Variants in ERC1 observed in about 807,000 individuals in gnomAD.
The protein encoded by ERC1 is RAB6 interacting protein 2.
ERC1 carries 56 observed loss-of-function variants against 132.0 expected under a neutral mutation model. The ratio of observed to expected loss-of-function variants is 0.42; its 90% CI spans 0.34 to 0.53. ERC1 has a LOEUF of 0.53. Among genes scored for constraint, ERC1 ranks in the 20% least tolerant of loss-of-function variants. The pLI is 0.03. For missense variants in ERC1, 1,202 were observed against 1,349.9 expected (o/e 0.89, Z 1.72); for synonymous variants, 478 against 476.1 (o/e 1.00, Z -0.05).
intron 14 of ERC1, among the ~76,000 whole-genome samples, chr12:1,279,425 T>G (rs2078507861): frequency 6.6e-6 from 1 of 152,128 alleles, no homozygotes; most frequent in African/African-American, 2.4e-5. Context: ...TCCAGAAAAT[T>G]TTTTTGACAA....
intron 1 of ERC1, among the ~76,000 whole-genome samples, chr12:992,538 CT>C (rs911791776): frequency 2.6e-5 from 4 of 151,244 alleles, no homozygotes; most frequent in South Asian, 2.1e-4. Flanking sequence ...AAATGGAACT[CT>C]TTTTTTTTGG....
intron 7 of ERC1, among the ~76,000 whole-genome samples, chr12:1,134,269 G>A (rs1949043479): frequency 1.3e-5 from 2 of 151,814 alleles, no homozygotes; most frequent in South Asian, 4.2e-4. Flanking sequence ...ATTTTAGGGG[G>A]AAAATACAGG....
chr12:1,150,089 G>A (rs1226302131), intron 8 of ERC1, among the ~76,000 whole-genome samples: 1 of 152,190 alleles, frequency 6.6e-6, no homozygotes, highest in Non-Finnish European at 1.5e-5. Flanking sequence ...AAGCATTCTG[G>A]CATGGGATAA....
chr12:1,467,644 C>T lies in ERC1; in HGVS notation c.3214-22449C>T, dbSNP rs147049049. ...AGGGATGGTTTCAGGATAATTGAAG[C>T]ACATTACATTTATTGTGCACTTTAT... is the stretch of plus-strand genomic sequence containing the variant. On this transcript the variant is annotated intron_variant, in intron 18 of 18. Transcript: ENST00000360905. Among the ~76,000 whole-genome samples the T allele has an allele frequency of 8.0e-3, 1,215 of 152,242 alleles. 23 individuals are homozygous for T. The highest frequency in any genetic ancestry group is 0.028 in the African/African-American group (1,162 of 41,526).
At chr12:1,212,162 C>T (rs1315608179) in intron 12 of ERC1, among the ~76,000 whole-genome samples, 1 of 152,084 alleles carries the variant, frequency 6.6e-6, no homozygotes, top group Non-Finnish European at 1.5e-5. Flanking sequence ...CTACGCATTC[C>T]TTGCTTAGCA....
At chr12:1,214,340 A>G (rs942328821) in intron 12 of ERC1, among the ~76,000 whole-genome samples, 2 of 152,188 alleles carry the variant, frequency 1.3e-5, no homozygotes, top group Non-Finnish European at 2.9e-5. Flanking sequence ...TTTCATTTTT[A>G]GTGTGGAGTT....
intron 16 of ERC1, among the ~76,000 whole-genome samples, chr12:1,404,250 T>C (rs1189778861): frequency 6.6e-6 from 1 of 152,204 alleles, no homozygotes; most frequent in Non-Finnish European, 1.5e-5. Context: ...GCAAACGGGC[T>C]CCCTCGGGCC....
chr12:1,010,154 G>A (rs887939357), intron 1 of ERC1, among the ~76,000 whole-genome samples: 2 of 152,166 alleles, frequency 1.3e-5, no homozygotes, highest in African/African-American at 4.8e-5. Context: ...TGGTAACCGA[G>A]GGGAGGAAAA....
At chr12:1,418,589 C>CTCTTTCTTTCTT (rs71055147) in intron 17 of ERC1, among the ~76,000 whole-genome samples, 1 of 106,966 alleles carries the variant, frequency 9.3e-6, no homozygotes, top group Non-Finnish European at 1.9e-5. Flanking sequence ...TTCTTTCTTT[C>CTCTTTCTTTCTT]TCTTTCTTTC....
Position 1,484,912 on chromosome 12 carries a change from G to T in ERC1, c.3214-5181G>T, listed in dbSNP as rs557618165. Among the ~76,000 whole-genome samples, 18 of 148,338 alleles carry T rather than the reference G, an allele frequency of 1.2e-4. No homozygotes were observed. In the South Asian group the frequency reaches 1.7e-3, roughly 14 times the overall value. On this transcript the variant is annotated intron_variant, in intron 18 of 18. Coordinates refer to ENST00000360905, the MANE Select transcript of ERC1 (RefSeq NM_178040.4). Reference sequence around the variant, plus strand: ...TTTTCTTTTTTTGAGACAGGGTCTCGCTGTGTTGCGCAGGCTAGAGTGCAG... The same window carrying T: ...TTTTCTTTTTTTGAGACAGGGTCTCTCTGTGTTGCGCAGGCTAGAGTGCAG...
Position 1,490,096 on chromosome 12 carries a change from C to T in ERC1, c.3217C>T (p.Gln1073Ter). ...CCATCTCTCCTTTCCCTTTCAGCTT[C>T]AGGATGAGTTAGAGAAAGGTGAACG... ...ELQKMTRGQL[Q>*]DELEKGERDN... Residue 1073 changes from glutamine (Q) to a stop codon, truncating the protein, a stop_gained, in exon 19 of 19, where the codon CAG (glutamine) becomes TAG (stop). Coordinates refer to ENST00000360905, the MANE Select transcript of ERC1 (RefSeq NM_178040.4). LOFTEE classifies it high-confidence loss of function. 1 of 1,613,502 alleles carries T rather than the reference C, an allele frequency of 6.2e-7. No homozygotes were observed. The highest frequency in any genetic ancestry group is 8.5e-7 in the Non-Finnish European group (1 of 1,179,440).
At chr12:1,014,708 T>C (rs1416468417) in intron 1 of ERC1, among the ~76,000 whole-genome samples, 2 of 152,180 alleles carry the variant, frequency 1.3e-5, no homozygotes, top group Non-Finnish European at 2.9e-5. Flanking sequence ...CAATATGTTT[T>C]TGCATGTCAG....
intron 2 of ERC1, among the ~76,000 whole-genome samples, chr12:1,064,237 A>G (rs1181011376): frequency 7.2e-6 from 1 of 139,110 alleles, no homozygotes; most frequent in Non-Finnish European, 1.5e-5. Flanking sequence ...TTTTTTTTTG[A>G]GAGACATTAT....
chr12:1,364,307 C>T (rs961907777), intron 15 of ERC1, among the ~76,000 whole-genome samples: 47 of 152,306 alleles, frequency 3.1e-4, no homozygotes, highest in African/African-American at 9.1e-4. Context: ...CTCCTCATTA[C>T]CTTCAACTCA....
chr12:1,040,924 C>T (rs1473731768), intron 2 of ERC1, among the ~76,000 whole-genome samples: 1 of 152,060 alleles, frequency 6.6e-6, no homozygotes, highest in African/African-American at 2.4e-5. Context: ...GCTTTGAAGT[C>T]ATCCTGAGAT....
At chr12:999,610 T>TTTG in intron 1 of ERC1, among the ~76,000 whole-genome samples, 2 of 4,946 alleles carry the variant, frequency 4.0e-4, no homozygotes, top group Middle Eastern at 0.12. Flanking sequence ...TGCTAGGTGA[T>TTTG]TTTTTTTTTT....
At chr12:1,440,615 TG>T (rs1439628117) in intron 17 of ERC1, among the ~76,000 whole-genome samples, 4 of 66,848 alleles carry the variant, frequency 6.0e-5, no homozygotes, top group Non-Finnish European at 2.7e-5. Flanking sequence ...TGTGTGTGTG[TG>T]TGTGTGTGTG....
chr12:1,110,993 C>T (rs1054761142), intron 5 of ERC1, among the ~76,000 whole-genome samples: 2 of 152,058 alleles, frequency 1.3e-5, no homozygotes, highest in African/African-American at 4.8e-5. Flanking sequence ...CGTGAGCCAC[C>T]GTGCCCAGCC....
chr12:1,097,229 G>C (rs143150714), intron 3 of ERC1, among the ~76,000 whole-genome samples: 53 of 152,254 alleles, frequency 3.5e-4, no homozygotes, highest in African/African-American at 1.2e-3. Flanking sequence ...CCTACTTCGT[G>C]TGTATAGAAT....
Sources: allele counts gnomAD v4.1 joint callset (sites outside exome capture counted in the v4.1 genomes callset), GRCh38; gene constraint gnomAD v4.1.1; transcripts MANE v1.5; gene names NCBI Gene and HGNC (gene_info 2026-07-23, HGNC 2026-07-21).